NUBP1: variants seen among roughly 807,000 people sequenced by gnomAD.
The protein encoded by NUBP1 is cytosolic Fe-S cluster assembly factor NUBP1.
NUBP1 carries 46 observed loss-of-function variants against 41.8 expected under a neutral mutation model. That is an observed-to-expected ratio of 1.10 (90% CI 0.87 to 1.41). The LOEUF (loss-of-function observed/expected upper bound fraction) is 1.41, where lower values mean the gene tolerates loss of function less well. NUBP1 is among the 40% of genes most tolerant of loss of function. The pLI, the probability that NUBP1 is intolerant of heterozygous loss-of-function variation, is 0.00. For missense variants in NUBP1, 494 were observed against 414.0 expected, an observed-to-expected ratio of 1.19 and a Z score of -1.68; for synonymous variants, 189 against 154.6, an observed-to-expected ratio of 1.22 and a Z score of -1.65.
rs1440277576 is a variant in NUBP1, at chr16:10,761,852, G to A, written c.813G>A (p.Pro271=). The A allele has an allele frequency of 5.6e-6, 9 of 1,612,930 alleles. No homozygotes were observed. Among genetic ancestry groups the A allele is most frequent in the South Asian group, 5.5e-5 (5 of 91,066 alleles). ...VPLLGRVPLD[P]LIGKNCDKGQ... The stretch of plus-strand genomic sequence containing the variant: ...TCCTCGGCAGAGTGCCCCTGGATCC[G>A]CTCATAGGTGGGTGACCCCAGTGTG... The change falls in exon 9 of 11, where the codon CCG becomes CCA. Residue 271 remains proline, a synonymous_variant. Coordinates refer to ENST00000283027, the MANE Select transcript of NUBP1 (RefSeq NM_002484.4).
rs527274763 is a variant in NUBP1, at chr16:10,749,268, T to A, written c.258+1992T>A. On this transcript the variant is annotated intron_variant, in intron 3 of 10. Transcript: ENST00000283027. The surrounding 1 kb of genome is among the most constrained non-coding windows in gnomAD (Gnocchi z 4.1). ...GGCCAAGAAATCTGCTTTCTCAGATTGTCTGTATCGTTTAGAAGAATCTTT... is the reference window on the plus strand; with the variant it reads ...GGCCAAGAAATCTGCTTTCTCAGATAGTCTGTATCGTTTAGAAGAATCTTT... Among the ~76,000 whole-genome samples the A allele has an allele frequency of 2.0e-5, 3 of 152,256 alleles. No homozygotes were observed. Among genetic ancestry groups the A allele is most frequent in the African/African-American group, 7.2e-5 (3 of 41,536 alleles).
Position 10,757,797 on chromosome 16 carries a change from T to A in NUBP1, c.452-76T>A. 1 of 1,558,308 alleles carries A rather than the reference T, an allele frequency of 6.4e-7. No individual in the cohort carries two copies. On this transcript the variant is annotated intron_variant, in intron 6 of 10. Transcript: ENST00000283027. The surrounding 1 kb of genome is among the most constrained non-coding windows in gnomAD (Gnocchi z 4.1). ...GGGCAACATAGCAAGACCCCATCCTTTAAAAAAAAAAGAGGGAGTTGAAAG... is the reference window on the plus strand; with the variant it reads ...GGGCAACATAGCAAGACCCCATCCTATAAAAAAAAAAGAGGGAGTTGAAAG...
At chr16:10,763,391 G>C (rs1353231051) in intron 9 of NUBP1, 1 of 152,376 alleles carries the variant, frequency 6.6e-6, no homozygotes, top group Non-Finnish European at 1.5e-5. Flanking sequence ...GATGGGAACA[G>C]CCCGGGAGAA....
At chr16:10,750,140 G>A in intron 3 of NUBP1, among the ~76,000 whole-genome samples, 1 of 152,218 alleles carries the variant, frequency 6.6e-6, no homozygotes, top group Admixed American at 6.5e-5. Flanking sequence ...CAAGGCTGCA[G>A]TGAGCCGTGA....
intron 9 of NUBP1, chr16:10,763,948 G>A (rs1042429951): frequency 1.0e-5 from 2 of 190,536 alleles, no homozygotes; most frequent in Non-Finnish European, 2.2e-5. Flanking sequence ...GCCCAAGGGA[G>A]TATCTCAGCC....
chr16:10,745,613 T>C (rs1900021953), intron 2 of NUBP1, among the ~76,000 whole-genome samples: 1 of 152,250 alleles, frequency 6.6e-6, no homozygotes, highest in Non-Finnish European at 1.5e-5. Flanking sequence ...GATGGAGTGG[T>C]TCCAGAAGGC....
rs879073710 is a variant in NUBP1, at chr16:10,767,567, T to C, written c.821-382T>C. 4.4e-6 allele frequency: 2 copies of C among 453,090 alleles called. No individual in the cohort carries two copies. The highest frequency in any genetic ancestry group is 1.3e-4 in the South Asian group (2 of 15,758). The allele number at this position is 453,090 out of a possible 1,614,324, so 28.1% of individuals were successfully genotyped here. A position where few individuals can be genotyped will look rare whatever the true frequency, so the allele number is the denominator to read the frequency against. On this transcript the variant is annotated intron_variant, in intron 9 of 10. Coordinates refer to ENST00000283027, the MANE Select transcript of NUBP1 (RefSeq NM_002484.4). The surrounding 1 kb of genome is among the most constrained non-coding windows in gnomAD (Gnocchi z 4.6). ...GAACACTAGTAGCCCTTTTCGGACT[T>C]GGCCTTTTATGCCATATCCTTTTGC...
chr16:10,756,314 G>A (rs563698257), intron 5 of NUBP1, among the ~76,000 whole-genome samples: 77 of 152,250 alleles, frequency 5.1e-4, no homozygotes, highest in African/African-American at 1.8e-3. Flanking sequence ...GGGAGGCAGA[G>A]GCTGCAGCAA....
At position 10,768,991 on chromosome 16, in the gene NUBP1, G is replaced by A; in HGVS notation, c.905-56G>A. 2 of 1,510,200 alleles carry A rather than the reference G, an allele frequency of 1.3e-6. No homozygotes were observed. The highest frequency in any genetic ancestry group is 1.7e-4 in the Middle Eastern group (1 of 5,860). 93.5% of individuals were successfully genotyped at this position (1,510,200 alleles called of 1,614,324 possible). On this transcript the variant is annotated intron_variant, in intron 10 of 10. Transcript: ENST00000283027. This position sits in a 1 kb window ranked among gnomAD's most constrained non-coding sequence, Gnocchi z 4.3. ...ACAGCCCTCCCCAGCACAGGACAGG[G>A]CTGTCAAGGGGTAGACAAGCCATTA...
Position 10,768,037 on chromosome 16 carries a change from G to C in NUBP1, c.904+5G>C, listed in dbSNP as rs1330094011. The C allele has an allele frequency of 3.7e-6, 6 of 1,613,522 alleles. No individual in the cohort carries two copies. In the South Asian group the frequency reaches 5.5e-5, roughly 15 times the overall value. On this transcript the variant is annotated splice_donor_5th_base_variant and intron_variant, in intron 10 of 10. Transcript: ENST00000283027. The surrounding 1 kb of genome is among the most constrained non-coding windows in gnomAD (Gnocchi z 4.3). The stretch of plus-strand genomic sequence containing the variant: ...CCTACAGAAGTATAATTCAGAGTAA[G>C]TATTTCCATGAGTACTAAATGCAGA...
chr16:10,768,042 T>A lies in NUBP1; in HGVS notation c.904+10T>A. On this transcript the variant is annotated intron_variant, in intron 10 of 10. Coordinates refer to ENST00000283027, the MANE Select transcript of NUBP1 (RefSeq NM_002484.4). The surrounding 1 kb of genome is among the most constrained non-coding windows in gnomAD (Gnocchi z 4.3). The stretch of plus-strand genomic sequence containing the variant: ...AGAAGTATAATTCAGAGTAAGTATT[T>A]CCATGAGTACTAAATGCAGATGCCT... 6.2e-7 allele frequency: 1 copy of A among 1,613,008 alleles called. No individual in the cohort carries two copies. The highest frequency in any genetic ancestry group is 8.5e-7 in the Non-Finnish European group (1 of 1,179,094).
At position 10,749,169 on chromosome 16, in the gene NUBP1, A is replaced by G. The variant is rs1265369630; in HGVS notation, c.258+1893A>G. On this transcript the variant is annotated intron_variant, in intron 3 of 10. Coordinates refer to ENST00000283027, the MANE Select transcript of NUBP1 (RefSeq NM_002484.4). The surrounding 1 kb of genome is among the most constrained non-coding windows in gnomAD (Gnocchi z 4.1). ...CACACACACACACACACACACACAC[A>G]CGTTGATTCGTCATTCTGTGAGTCA... 6.7e-6 allele frequency among the ~76,000 whole-genome samples: 1 copy of G among 148,284 alleles called. No homozygotes were observed. The highest frequency in any genetic ancestry group is 1.5e-5 in the Non-Finnish European group (1 of 67,010).
chr16:10,761,056 T>TCGGTG, intron 7 of NUBP1: 1 of 269,304 alleles, frequency 3.7e-6, no homozygotes, highest in Non-Finnish European at 7.3e-6. Flanking sequence ...TAGGAGGAAC[T>TCGGTG]GTCAAACACT....
At position 10,767,978 on chromosome 16, in the gene NUBP1, T is replaced by A. The variant is rs771865092; in HGVS notation, c.850T>A (p.Phe284Ile). ...GKNCDKGQSFFIDAPDSPATL... is the reference protein window; with the variant it reads ...GKNCDKGQSFIIDAPDSPATL... ...GAATTGTGACAAAGGCCAGTCTTTT[T>A]TCATTGACGCCCCAGATTCCCCAGC... Residue 284 changes from phenylalanine (F) to isoleucine (I), a missense_variant, in exon 10 of 11, where the codon TTC becomes ATC. Transcript: ENST00000283027. The surrounding 1 kb of genome is among the most constrained non-coding windows in gnomAD (Gnocchi z 4.6). 1 of 1,614,040 alleles carries A rather than the reference T, an allele frequency of 6.2e-7. No individual in the cohort carries two copies. The highest frequency in any genetic ancestry group is 1.3e-5 in the African/African-American group (1 of 74,926).
chr16:10,744,166 G>T (rs904680205), intron 2 of NUBP1, 101 bp downstream of exon 2: 18 of 1,174,026 alleles, frequency 1.5e-5, no homozygotes, highest in Non-Finnish European at 2.1e-5. Context: ...GACTGACAGC[G>T]GCAGGCTAGA....
At position 10,768,873 on chromosome 16, in the gene NUBP1, T is replaced by C; in HGVS notation, c.905-174T>C. ...CACTGGTTATGAGCAAGATGGGTAG[T>C]GTGAGGTATTCCGGTCACTTTCAAA... On this transcript the variant is annotated intron_variant, in intron 10 of 10. Coordinates refer to ENST00000283027, the MANE Select transcript of NUBP1 (RefSeq NM_002484.4). This position sits in a 1 kb window ranked among gnomAD's most constrained non-coding sequence, Gnocchi z 4.3. 1 of 587,088 alleles carries C rather than the reference T, an allele frequency of 1.7e-6. No individual in the cohort carries two copies. The highest frequency in any genetic ancestry group is 3.1e-6 in the Non-Finnish European group (1 of 327,404). The allele number at this position is 587,088 out of a possible 1,614,324, so 36.4% of individuals were successfully genotyped here.
rs1900216096 is a variant in NUBP1, at chr16:10,749,408, T to C, written c.258+2132T>C. ...CAACTGTTTACATCCTTCACTTTCA[T>C]GTAATTACGTTCTGAAGTCTTTGCT... On this transcript the variant is annotated intron_variant, in intron 3 of 10. Transcript: ENST00000283027. This position sits in a 1 kb window ranked among gnomAD's most constrained non-coding sequence, Gnocchi z 4.1. Among the ~76,000 whole-genome samples the C allele has an allele frequency of 6.6e-6, 1 of 152,206 alleles. No homozygotes were observed. The highest frequency in any genetic ancestry group is 2.1e-4 in the South Asian group (1 of 4,832).
Position 10,757,465 on chromosome 16 carries a change from G to T in NUBP1, c.452-408G>T, listed in dbSNP as rs1318651174. On this transcript the variant is annotated intron_variant, in intron 6 of 10. Transcript: ENST00000283027. The surrounding 1 kb of genome is among the most constrained non-coding windows in gnomAD (Gnocchi z 4.1). ...TCAGCACTATTGATATTTTGAGCCA[G>T]ATAAGTCTTTGTTGGGGGGAGGAGT... Among the ~76,000 whole-genome samples the T allele has an allele frequency of 6.6e-6, 1 of 152,176 alleles. No homozygotes were observed. The highest frequency in any genetic ancestry group is 1.5e-5 in the Non-Finnish European group (1 of 68,040).
At chr16:10,764,771 G>A (rs1318421076) in intron 9 of NUBP1, among the ~76,000 whole-genome samples, 1 of 146,068 alleles carries the variant, frequency 6.8e-6, no homozygotes, top group Non-Finnish European at 1.5e-5. Flanking sequence ...GTCTGTTGGA[G>A]CATCTCAGTC....
Sources: gnomAD v4.1 joint callset for allele counts (sites outside exome capture counted in the v4.1 genomes callset) on GRCh38, gnomAD v4.1.1 for gene constraint, Gnocchi (gnomAD v3.1) non-coding constraint, MANE v1.5 for transcripts, NCBI Gene and HGNC (gene_info 2026-07-23, HGNC 2026-07-21) for gene names.